The following GRAMD2B variants were observed in gnomAD, a reference collection of about 807,000 sequenced individuals.
GRAMD2B encodes the protein GRAM domain containing 2B.
Under a neutral mutation model 59.2 loss-of-function variants are expected in GRAMD2B, and 41 were observed. The ratio of observed to expected loss-of-function variants is 0.69; its 90% confidence interval spans 0.54 to 0.90. GRAMD2B has a LOEUF of 0.90. Ranked by LOEUF, GRAMD2B falls within the 40% of genes least tolerant of loss-of-function variation. The probability of loss-of-function intolerance (pLI) is 0.00; values close to 1 mark genes in which losing one functional copy is unlikely to be tolerated. For missense variants in GRAMD2B, 424 were observed against 500.5 expected (o/e 0.85, Z 1.46); for synonymous variants, 161 against 182.7 (o/e 0.88, Z 0.96).
At chr5:126,367,428 A>T (rs1754506625), upstream of GRAMD2B, among the ~76,000 whole-genome samples, 1 of 130,610 alleles carries the variant, frequency 7.7e-6, no homozygotes, top group Non-Finnish European at 1.6e-5. Flanking sequence ...ACACCTGTAA[A>T]AACTGGAGGA....
chr5:126,477,886 T>A, intron 6 of GRAMD2B, 99 bp downstream of exon 6: 1 of 756,046 alleles, frequency 1.3e-6, no homozygotes, highest in Non-Finnish European at 2.4e-6. Flanking sequence ...CTCCAAACCA[T>A]AAATATCATC....
At chr5:126,361,895 C>T (rs1754236596) in intron 1 of GRAMD2B, among the ~76,000 whole-genome samples, 1 of 152,120 alleles carries the variant, frequency 6.6e-6, no homozygotes, top group African/African-American at 2.4e-5. Flanking sequence ...GACATGAGAC[C>T]AGTTCGATAG....
intron 2 of GRAMD2B, chr5:126,466,272 T>G: frequency 6.5e-7 from 1 of 1,550,340 alleles, no homozygotes; most frequent in South Asian, 1.2e-5. Flanking sequence ...CTCCGCTTTT[T>G]GCTTCCTTCC....
chr5:126,365,442 T>C (rs1024299238), intron 1 of GRAMD2B, among the ~76,000 whole-genome samples: 3 of 152,242 alleles, frequency 2.0e-5, no homozygotes, highest in Non-Finnish European at 4.4e-5. Flanking sequence ...ATTTGACAGA[T>C]AATAATGCTA....
intron 1 of GRAMD2B, among the ~76,000 whole-genome samples, chr5:126,428,862 C>T (rs1042171829): frequency 1.1e-4 from 16 of 152,090 alleles, no homozygotes; most frequent in Non-Finnish European, 2.2e-4. Context: ...GTCAGGATGG[C>T]AATTATTAGA....
intron 1 of GRAMD2B, among the ~76,000 whole-genome samples, chr5:126,425,693 G>C (rs1164893111): frequency 6.6e-6 from 1 of 152,172 alleles, no homozygotes; most frequent in African/African-American, 2.4e-5. Flanking sequence ...TTGAGCCCAG[G>C]CAGTTGAGGC....
intron 1 of GRAMD2B, among the ~76,000 whole-genome samples, chr5:126,406,413 A>C (rs950379188): frequency 5.3e-5 from 8 of 151,892 alleles, no homozygotes; most frequent in Admixed American, 5.3e-4. Flanking sequence ...AAAATGCACA[A>C]ATCTCAAGCA....
chr5:126,468,648 CA>C (rs1768926209), intron 2 of GRAMD2B, among the ~76,000 whole-genome samples: 2 of 151,968 alleles, frequency 1.3e-5, no homozygotes, highest in African/African-American at 4.8e-5. Flanking sequence ...CCATCATGCC[CA>C]GCTAATTTTT....
At chr5:126,446,953 T>C (rs1471416305) in intron 1 of GRAMD2B, among the ~76,000 whole-genome samples, 5 of 152,172 alleles carry the variant, frequency 3.3e-5, no homozygotes, top group Admixed American at 2.0e-4. Flanking sequence ...CTTTACACTC[T>C]AGCAAAGTAA....
At chr5:126,380,261 T>C (rs1230323427) in intron 1 of GRAMD2B, among the ~76,000 whole-genome samples, 3 of 152,234 alleles carry the variant, frequency 2.0e-5, no homozygotes, top group African/African-American at 7.2e-5. Context: ...GCTCCATTGG[T>C]CTATGTGCCT....
At chr5:126,409,138 C>T (rs1282487392) in intron 1 of GRAMD2B, among the ~76,000 whole-genome samples, 11 of 151,722 alleles carry the variant, frequency 7.3e-5, no homozygotes, top group Non-Finnish European at 1.5e-4. Flanking sequence ...TGAATAGTGC[C>T]GCAATAAACA....
At chr5:126,379,383 T>A (rs956755653) in intron 1 of GRAMD2B, among the ~76,000 whole-genome samples, 8 of 152,212 alleles carry the variant, frequency 5.3e-5, no homozygotes, top group African/African-American at 1.9e-4. Flanking sequence ...CAAGTATCTT[T>A]TTCATGTAAT....
At chr5:126,372,955 T>C (rs1049233779) in intron 1 of GRAMD2B, among the ~76,000 whole-genome samples, 1 of 151,986 alleles carries the variant, frequency 6.6e-6, no homozygotes, top group Non-Finnish European at 1.5e-5. Context: ...AAATACAAAA[T>C]ACATAAAGTA....
chr5:126,457,460 C>T (rs943611637), intron 1 of GRAMD2B, among the ~76,000 whole-genome samples: 2 of 151,900 alleles, frequency 1.3e-5, no homozygotes, highest in African/African-American at 4.8e-5. Context: ...ATAGTGAAAC[C>T]CTGCCTCTAA....
intron 1 of GRAMD2B, among the ~76,000 whole-genome samples, chr5:126,408,771 G>A (rs1272334310): frequency 6.7e-6 from 1 of 149,042 alleles, no homozygotes; most frequent in Non-Finnish European, 1.5e-5. Context: ...CATGTGCCAT[G>A]CTGGTGTGCT....
chr5:126,427,206 C>T (rs1760759130), intron 1 of GRAMD2B, among the ~76,000 whole-genome samples: 1 of 152,196 alleles, frequency 6.6e-6, no homozygotes, highest in African/African-American at 2.4e-5. Flanking sequence ...TGGTTTGCTG[C>T]ACCCATCAAC....
At position 126,484,467 on chromosome 5, in the gene GRAMD2B, G is replaced by A. The variant is rs1475030400; in HGVS notation, c.913G>A (p.Ala305Thr). The A allele has an allele frequency of 3.1e-6, 5 of 1,614,170 alleles. No individual in the cohort carries two copies. The highest frequency in any genetic ancestry group is 2.2e-5 in the East Asian group (1 of 44,888). The change falls in exon 10 of 14, where the codon GCA (alanine) becomes ACA (threonine). Residue 305 changes from alanine (A) to threonine (T), a missense_variant. Coordinates refer to ENST00000285689, the MANE Select transcript of GRAMD2B (RefSeq NM_023927.4). ...CAAGGGAGAAGCAAAGCCAACTCGG[G>A]CAGATGCCCATGTGAACAGAGTACC... The part of the protein sequence containing the change: ...VSKGEAKPTR[A>T]DAHVNRVPEG...
At chr5:126,472,380 C>A in intron 4 of GRAMD2B, 76 bp downstream of exon 4, 1 of 1,170,998 alleles carries the variant, frequency 8.5e-7, no homozygotes, top group Non-Finnish European at 1.3e-6. Flanking sequence ...AGAAAAAGGG[C>A]ATAGTCCATG....
chr5:126,451,728 C>G (rs1765412897), intron 1 of GRAMD2B, among the ~76,000 whole-genome samples: 2 of 152,016 alleles, frequency 1.3e-5, no homozygotes, highest in African/African-American at 4.8e-5. Flanking sequence ...GATATTTGTC[C>G]CCTCCAAATC....
Sources: gnomAD v4.1 joint callset for allele counts (sites outside exome capture counted in the v4.1 genomes callset) on GRCh38, gnomAD v4.1.1 for gene constraint, MANE v1.5 for transcripts, NCBI Gene and HGNC (gene_info 2026-07-23, HGNC 2026-07-21) for gene names.